The following CYP7B1 variants were observed in gnomAD, a reference collection of about 807,000 sequenced individuals.
CYP7B1 encodes the protein cytochrome P450 family 7 subfamily B member 1.
CYP7B1 carries 29 observed loss-of-function variants against 42.7 expected under a neutral mutation model. The ratio of observed to expected loss-of-function variants is 0.68; its 90% CI spans 0.51 to 0.93. The LOEUF is 0.93. CYP7B1 is among the 40% of genes least tolerant of loss of function. The pLI is 0.00. For missense variants in CYP7B1, 655 were observed against 600.5 expected, an observed-to-expected ratio of 1.09 and a Z score of -0.95; for synonymous variants, 235 against 218.2, an observed-to-expected ratio of 1.08 and a Z score of -0.68.
In CYP7B1 at chr8:64,798,675, C is replaced by T. The variant is rs1207016187; in HGVS notation, c.-88G>A. On this transcript the variant is annotated 5_prime_UTR_variant, in exon 1 of 6. Coordinates refer to ENST00000310193, the MANE Select transcript of CYP7B1 (RefSeq NM_004820.5). ...CTCTGCAGCCTGCGGCGGCTTCTCT[C>T]GGCGGCGCCCCCTAGTCCAGGGCCG... 9.4e-6 allele frequency: 13 copies of T among 1,376,440 alleles called. No individual in the cohort carries two copies. The highest frequency in any genetic ancestry group is 1.0e-5 in the Non-Finnish European group (11 of 1,062,534). 85.3% of individuals were successfully genotyped at this position (1,376,440 alleles called of 1,614,324 possible). A position where few individuals can be genotyped will look rare whatever the true frequency, so the allele number is the denominator to read the frequency against.
At chr8:64,658,134 C>T (rs978404514) in intron 1 of CYP7B1, among the ~76,000 whole-genome samples, 3 of 152,038 alleles carry the variant, frequency 2.0e-5, no homozygotes, top group African/African-American at 7.3e-5. Flanking sequence ...TCTCAAAGAC[C>T]CCACCTCCTA....
At chr8:64,629,866 C>T (rs937138906) in intron 1 of CYP7B1, among the ~76,000 whole-genome samples, 1 of 152,140 alleles carries the variant, frequency 6.6e-6, no homozygotes, top group Non-Finnish European at 1.5e-5. Flanking sequence ...CAATACAAGG[C>T]TGTGGATGGG....
At chr8:64,668,685 A>G (rs1158614956) in intron 1 of CYP7B1, among the ~76,000 whole-genome samples, 1 of 151,000 alleles carries the variant, frequency 6.6e-6, no homozygotes, top group Non-Finnish European at 1.5e-5. Context: ...TTTTTTTTAA[A>G]AGGAAAAAAA....
chr8:64,644,104 C>T (rs1185768080), intron 1 of CYP7B1, among the ~76,000 whole-genome samples: 3 of 152,046 alleles, frequency 2.0e-5, no homozygotes, highest in Non-Finnish European at 4.4e-5. Flanking sequence ...GAAACCCCGT[C>T]TCTACTAAAA....
chr8:64,702,640 A>G (rs1806934737), intron 1 of CYP7B1, among the ~76,000 whole-genome samples: 1 of 152,130 alleles, frequency 6.6e-6, no homozygotes, highest in African/African-American at 2.4e-5. Flanking sequence ...ACACACAAAC[A>G]AGTGACCTTG....
chr8:64,753,563 A>T (rs1326829634), intron 1 of CYP7B1, among the ~76,000 whole-genome samples: 1 of 152,214 alleles, frequency 6.6e-6, no homozygotes. Flanking sequence ...AAAAGGAAGG[A>T]ATACGTGACA....
In CYP7B1 at chr8:64,615,056, T is replaced by G. The variant is rs1805413664; in HGVS notation, c.1027A>C (p.Arg343=). 3 of 1,613,732 alleles carry G rather than the reference T, an allele frequency of 1.9e-6. No individual in the cohort carries two copies. The highest frequency in any genetic ancestry group is 2.7e-5 in the African/African-American group (2 of 75,040). The stretch of plus-strand genomic sequence containing the variant: ...CAGATTAGGCTGTCCAATTGTTCTC[T>G]GGTGAGGTGGATGGGAAATCCAGAC... The part of the protein sequence containing the change: ...KGSGFPIHLT[R]EQLDSLICLE... The change falls in exon 4 of 6, where the codon AGA becomes CGA. Residue 343 remains arginine, a synonymous_variant. Coordinates refer to ENST00000310193, the MANE Select transcript of CYP7B1 (RefSeq NM_004820.5).
chr8:64,768,089 T>G (rs1203136946), intron 1 of CYP7B1, among the ~76,000 whole-genome samples: 2 of 152,158 alleles, frequency 1.3e-5, no homozygotes, highest in Non-Finnish European at 2.9e-5. Context: ...TAAGCCTAGC[T>G]GGGGAAGGTG....
At position 64,724,140 on chromosome 8, in the gene CYP7B1, AT is replaced by A. The variant is rs983756440; in HGVS notation, c.122+74325del. Among the ~76,000 whole-genome samples, 795 of 145,418 alleles carry A rather than the reference AT, an allele frequency of 5.5e-3. 3 individuals carry two copies. The highest frequency in any genetic ancestry group is 0.015 in the African/African-American group (586 of 39,932). On this transcript the variant is annotated intron_variant, in intron 1 of 5. Coordinates refer to ENST00000310193, the MANE Select transcript of CYP7B1 (RefSeq NM_004820.5). ...GGGTTGGCTAGTAACCAAAAGAATA[AT>A]TTTTTTTTTTTTGAGATGGAGTCTC... is the stretch of plus-strand genomic sequence containing the variant.
intron 1 of CYP7B1, among the ~76,000 whole-genome samples, chr8:64,776,276 C>T (rs1167135216): frequency 6.6e-6 from 1 of 152,112 alleles, no homozygotes; most frequent in Non-Finnish European, 1.5e-5. Flanking sequence ...GAAATGCCGT[C>T]TCTGCATGTT....
chr8:64,695,683 T>C (rs13277887), intron 1 of CYP7B1, among the ~76,000 whole-genome samples: 17,912 of 148,024 alleles, frequency 0.12, 1,275 homozygotes, highest in Non-Finnish European at 0.16. Context: ...GCAATTTGTA[T>C]GCATATGATA....
intron 1 of CYP7B1, among the ~76,000 whole-genome samples, chr8:64,686,217 CGGGA>C: frequency 3.1e-5 from 1 of 32,554 alleles, no homozygotes; most frequent in Non-Finnish European, 6.5e-5. Context: ...CCGCCCCGTC[CGGGA>C]GGGAGGTGGG....
At chr8:64,599,128 T>G (rs1805160848) in intron 5 of CYP7B1, among the ~76,000 whole-genome samples, 1 of 152,160 alleles carries the variant, frequency 6.6e-6, no homozygotes, top group Non-Finnish European at 1.5e-5. Context: ...AAGCTCAAGA[T>G]GTATCCATTC....
chr8:64,768,831 A>C (rs1305492309), intron 1 of CYP7B1, among the ~76,000 whole-genome samples: 2 of 152,208 alleles, frequency 1.3e-5, no homozygotes, highest in Admixed American at 1.3e-4. Flanking sequence ...AAACCACAGC[A>C]AACTAAAACA....
At chr8:64,745,986 CCT>C (rs1263484791) in intron 1 of CYP7B1, among the ~76,000 whole-genome samples, 1 of 151,968 alleles carries the variant, frequency 6.6e-6, no homozygotes, top group East Asian at 1.9e-4. Context: ...AGTGAAAGCC[CCT>C]GAGTCAACCA....
chr8:64,623,512 A>G (rs1805561478), intron 2 of CYP7B1, among the ~76,000 whole-genome samples: 1 of 152,102 alleles, frequency 6.6e-6, no homozygotes, highest in African/African-American at 2.4e-5. Flanking sequence ...AAACCATTAA[A>G]CTTTTTGGGG....
intron 1 of CYP7B1, among the ~76,000 whole-genome samples, chr8:64,637,380 A>G (rs545561225): frequency 2.0e-5 from 3 of 152,304 alleles, no homozygotes; most frequent in African/African-American, 7.2e-5. Context: ...AAAACTAATA[A>G]TATCTCTACA....
At chr8:64,747,945 A>T (rs1233815515) in intron 1 of CYP7B1, among the ~76,000 whole-genome samples, 1 of 152,126 alleles carries the variant, frequency 6.6e-6, no homozygotes, top group African/African-American at 2.4e-5. Context: ...CAGGGGAGGA[A>T]CTAAGGTCAT....
intron 1 of CYP7B1, among the ~76,000 whole-genome samples, chr8:64,647,994 C>T (rs796988241): frequency 5.9e-5 from 9 of 152,250 alleles, no homozygotes; most frequent in African/African-American, 2.2e-4. Flanking sequence ...GCTGACAGAT[C>T]CATTAATCAA....
Sources: allele counts gnomAD v4.1 joint callset (sites outside exome capture counted in the v4.1 genomes callset), GRCh38; gene constraint gnomAD v4.1.1; transcripts MANE v1.5; gene names NCBI Gene and HGNC (gene_info 2026-07-23, HGNC 2026-07-21).